Variants in AGBL4 observed in about 807,000 individuals in gnomAD.
AGBL4 encodes the protein AGBL carboxypeptidase 4.
In AGBL4, 58 loss-of-function variants were observed where a neutral mutation model predicts 66.4. The observed-to-expected ratio is 0.87, with a 90% CI of 0.71 to 1.09. The LOEUF is 1.09. Ranked by LOEUF, AGBL4 falls within the 50% of genes least tolerant of loss-of-function variation. The probability of loss-of-function intolerance (pLI) is 0.00; values close to 1 mark genes in which losing one functional copy is unlikely to be tolerated. For missense variants in AGBL4, 579 were observed against 631.0 expected (o/e 0.92, Z 0.88); for synonymous variants, 234 against 222.9 (o/e 1.05, Z -0.44).
chr1:48,947,001 A>G (rs1656569082), intron 5 of AGBL4, among the ~76,000 whole-genome samples: 1 of 152,218 alleles, frequency 6.6e-6, no homozygotes, highest in Admixed American at 6.5e-5. Context: ...CCAGGAATAC[A>G]GTTTGTCACT....
At chr1:48,894,848 G>A (rs774123141) in intron 5 of AGBL4, among the ~76,000 whole-genome samples, 1 of 152,166 alleles carries the variant, frequency 6.6e-6, no homozygotes, top group Admixed American at 6.5e-5. Flanking sequence ...AAAACAAAGA[G>A]GTTTCCAGTA....
intron 3 of AGBL4, among the ~76,000 whole-genome samples, chr1:49,404,391 T>C (rs541956257): frequency 6.6e-6 from 1 of 152,318 alleles, no homozygotes; most frequent in African/African-American, 2.4e-5. Context: ...ACTATCTTGA[T>C]CATGGACTCC....
intron 6 of AGBL4, among the ~76,000 whole-genome samples, chr1:48,695,315 A>G (rs1045018432): frequency 3.3e-5 from 5 of 152,188 alleles, no homozygotes; most frequent in South Asian, 2.1e-4. Flanking sequence ...AGTGACAAGC[A>G]GGGTTGGGGG....
intron 3 of AGBL4, among the ~76,000 whole-genome samples, chr1:49,407,297 T>C (rs1193496858): frequency 1.3e-5 from 2 of 152,112 alleles, no homozygotes; most frequent in African/African-American, 2.4e-5. Flanking sequence ...CATCAACCTC[T>C]CCTGCCAAGA....
At chr1:49,206,304 A>G (rs1648122226) in intron 4 of AGBL4, among the ~76,000 whole-genome samples, 1 of 152,080 alleles carries the variant, frequency 6.6e-6, no homozygotes, top group Non-Finnish European at 1.5e-5. Flanking sequence ...ACTGGTTCTG[A>G]AATTAAAACA....
At chr1:48,958,005 T>G (rs1657630535) in intron 5 of AGBL4, among the ~76,000 whole-genome samples, 1 of 152,048 alleles carries the variant, frequency 6.6e-6, no homozygotes, top group African/African-American at 2.4e-5. Context: ...TTTTTTTGTT[T>G]GTTTGTTTTG....
At chr1:48,544,208 C>T (rs559751233) in intron 11 of AGBL4, among the ~76,000 whole-genome samples, 1 of 152,336 alleles carries the variant, frequency 6.6e-6, no homozygotes, top group African/African-American at 2.4e-5. Flanking sequence ...TGGCATTGGG[C>T]ATGACCTCTC....
chr1:49,581,783 G>A (rs1436888593), intron 3 of AGBL4, among the ~76,000 whole-genome samples: 1 of 152,152 alleles, frequency 6.6e-6, no homozygotes. Context: ...TGGCATCTGT[G>A]TTGGGAGTTC....
At chr1:48,960,379 T>C (rs1657864040) in intron 5 of AGBL4, among the ~76,000 whole-genome samples, 1 of 152,210 alleles carries the variant, frequency 6.6e-6, no homozygotes, top group South Asian at 2.1e-4. Context: ...CAAGCCAAGA[T>C]ATTGAGTTAA....
intron 6 of AGBL4, among the ~76,000 whole-genome samples, chr1:48,805,895 G>A (rs1257359827): frequency 6.6e-6 from 1 of 152,124 alleles, no homozygotes; most frequent in East Asian, 1.9e-4. Context: ...GACATCCTAT[G>A]CATAAAACAA....
intron 6 of AGBL4, among the ~76,000 whole-genome samples, chr1:48,789,997 A>T (rs1457950938): frequency 6.6e-6 from 1 of 152,244 alleles, no homozygotes; most frequent in African/African-American, 2.4e-5. Flanking sequence ...CCAAGGAAGA[A>T]AGAGTCTGTC....
At chr1:49,417,902 T>C (rs1048015957) in intron 3 of AGBL4, among the ~76,000 whole-genome samples, 8 of 152,208 alleles carry the variant, frequency 5.3e-5, no homozygotes, top group Admixed American at 2.6e-4. Flanking sequence ...ATTTTAATTT[T>C]CTAAATGGAT....
chr1:48,899,165 C>G (rs756816082), intron 5 of AGBL4, among the ~76,000 whole-genome samples: 5 of 152,210 alleles, frequency 3.3e-5, no homozygotes, highest in Admixed American at 6.5e-5. Flanking sequence ...GGCGCCAGCC[C>G]GAGTGACGCC....
chr1:49,654,487 T>C (rs1646076509), intron 3 of AGBL4, among the ~76,000 whole-genome samples: 1 of 152,134 alleles, frequency 6.6e-6, no homozygotes, highest in Admixed American at 6.6e-5. Context: ...CTTGTTAGCT[T>C]TCTGTCTCGT....
intron 3 of AGBL4, among the ~76,000 whole-genome samples, chr1:49,538,597 A>G (rs1294879601): frequency 6.6e-6 from 1 of 152,236 alleles, no homozygotes; most frequent in Non-Finnish European, 1.5e-5. Context: ...AAATACACAC[A>G]AAGACTGAAA....
At chr1:48,758,928 C>T (rs781701119) in intron 6 of AGBL4, 1 of 1,567,150 alleles carries the variant, frequency 6.4e-7, no homozygotes, top group South Asian at 1.2e-5. Flanking sequence ...GCAGCACGTC[C>T]TGGAGCCTCC....
intron 3 of AGBL4, among the ~76,000 whole-genome samples, chr1:49,360,873 C>T (rs557642373): frequency 1.2e-3 from 178 of 152,096 alleles, no homozygotes; most frequent in African/African-American, 4.2e-3. Flanking sequence ...AGTACAGTGG[C>T]ACAACCTCTG....
intron 1 of AGBL4, among the ~76,000 whole-genome samples, chr1:49,883,849 C>T (rs77975612): frequency 0.011 from 1,694 of 151,936 alleles, 19 homozygotes; most frequent in Middle Eastern, 0.027. Flanking sequence ...GGAAAAAAAA[C>T]TAAGCCTGCA....
intron 3 of AGBL4, among the ~76,000 whole-genome samples, chr1:49,595,763 C>G (rs1205816262): frequency 1.3e-5 from 2 of 152,030 alleles, no homozygotes; most frequent in African/African-American, 4.8e-5. Flanking sequence ...AAGAATAAAA[C>G]CCAAAACACA....
Sources: gnomAD v4.1 joint callset for allele counts (sites outside exome capture counted in the v4.1 genomes callset) on GRCh38, gnomAD v4.1.1 for gene constraint, MANE v1.5 for transcripts, NCBI Gene and HGNC (gene_info 2026-07-23, HGNC 2026-07-21) for gene names.